The following PPP1R14C variants were observed in gnomAD, a reference collection of about 807,000 sequenced individuals.
PPP1R14C encodes the protein protein phosphatase 1 regulatory subunit 14C.
In PPP1R14C, 16 loss-of-function variants were observed where a neutral mutation model predicts 20.4. That is an observed-to-expected ratio of 0.78 (90% CI 0.53 to 1.19). The LOEUF (loss-of-function observed/expected upper bound fraction) is 1.19. Ranked by LOEUF, PPP1R14C falls within the 50% of genes most tolerant of loss-of-function variation. The pLI is 0.00. For missense variants in PPP1R14C, 211 were observed against 220.1 expected (o/e 0.96, Z 0.26); for synonymous variants, 91 against 91.0 (o/e 1.00, Z 0.00).
chr6:150,210,316 C>T (rs544859921), intron 1 of PPP1R14C, among the ~76,000 whole-genome samples: 59 of 152,346 alleles, frequency 3.9e-4, no homozygotes, highest in African/African-American at 1.4e-3. Flanking sequence ...AGCCTCAGAA[C>T]CTGGATCTTA....
chr6:150,204,054 C>T (rs562389104), intron 1 of PPP1R14C, among the ~76,000 whole-genome samples: 2 of 152,334 alleles, frequency 1.3e-5, no homozygotes, highest in African/African-American at 4.8e-5. Context: ...CATGTAGGTG[C>T]TGCACGGAGA....
chr6:150,214,541 C>T (rs533034316), intron 1 of PPP1R14C, among the ~76,000 whole-genome samples: 8 of 151,252 alleles, frequency 5.3e-5, no homozygotes, highest in Admixed American at 2.0e-4. Flanking sequence ...CTTTTCCCTT[C>T]TTCTCCTCTT....
chr6:150,148,844 G>A (rs187382543), intron 1 of PPP1R14C, among the ~76,000 whole-genome samples: 18 of 152,184 alleles, frequency 1.2e-4, no homozygotes, highest in African/African-American at 3.9e-4. Flanking sequence ...CTGACGGATC[G>A]CTTGAGGCCA....
chr6:150,227,990 G>A (rs1366290779), intron 3 of PPP1R14C, among the ~76,000 whole-genome samples: 2 of 152,208 alleles, frequency 1.3e-5, no homozygotes, highest in Non-Finnish European at 2.9e-5. Context: ...TAAAAGAGCC[G>A]TACGTGCTGG....
rs900499956 is a variant in PPP1R14C at position 150,143,766 on chromosome 6, A to C, written c.306+268A>C. Among the ~76,000 whole-genome samples the C allele has an allele frequency of 4.0e-5, 6 of 151,756 alleles. No homozygotes were observed. The highest frequency in any genetic ancestry group is 1.5e-4 in the African/African-American group (6 of 41,308). On this transcript the variant is annotated intron_variant, in intron 1 of 3. Transcript: ENST00000361131. This position sits in a 1 kb window ranked among gnomAD's most constrained non-coding sequence, Gnocchi z 5.6. ...CCGTGGGGAGGGTTGGGTCCCGCGG[A>C]GCACAGTGCTTTTCTCCGAGCTCCG... is the stretch of plus-strand genomic sequence containing the variant.
chr6:150,248,610 A>G, intron 3 of PPP1R14C, 136 bp from the exon 4 acceptor site: 1 of 575,888 alleles, frequency 1.7e-6, no homozygotes. Flanking sequence ...CCTGTATTAT[A>G]CCAGTGGGGG....
intron 1 of PPP1R14C, among the ~76,000 whole-genome samples, chr6:150,191,511 G>C (rs1285744620): frequency 6.6e-6 from 1 of 152,212 alleles, no homozygotes; most frequent in African/African-American, 2.4e-5. Context: ...ATGTCTCTCA[G>C]AGCATCCGCA....
chr6:150,198,595 A>G (rs999631871), intron 1 of PPP1R14C, among the ~76,000 whole-genome samples: 2 of 152,224 alleles, frequency 1.3e-5, no homozygotes, highest in Admixed American at 1.3e-4. Flanking sequence ...CTTGTTTGCA[A>G]TGGAGGTGCC....
chr6:150,242,998 T>C (rs758572397), intron 3 of PPP1R14C, among the ~76,000 whole-genome samples: 9 of 152,056 alleles, frequency 5.9e-5, no homozygotes, highest in Non-Finnish European at 1.0e-4. Flanking sequence ...ACACTGGAAA[T>C]TATAAACCAT....
At chr6:150,200,132 G>A (rs1582914877) in intron 1 of PPP1R14C, among the ~76,000 whole-genome samples, 2 of 147,742 alleles carry the variant, frequency 1.4e-5, no homozygotes, top group Non-Finnish European at 3.0e-5. Context: ...TAGCATTATT[G>A]AAACCAGTTG....
At chr6:150,232,218 TC>T (rs1316096707) in intron 3 of PPP1R14C, among the ~76,000 whole-genome samples, 3 of 152,246 alleles carry the variant, frequency 2.0e-5, no homozygotes, top group Non-Finnish European at 4.4e-5. Flanking sequence ...TGTTCATGTT[TC>T]CTTCTCTGGG....
chr6:150,199,187 A>T (rs1391240251), intron 1 of PPP1R14C, among the ~76,000 whole-genome samples: 1 of 152,070 alleles, frequency 6.6e-6, no homozygotes, highest in African/African-American at 2.4e-5. Flanking sequence ...GCATTTTTAC[A>T]AGTTCATGGG....
chr6:150,162,044 A>C (rs944288286), intron 1 of PPP1R14C, among the ~76,000 whole-genome samples: 5 of 135,938 alleles, frequency 3.7e-5, no homozygotes, highest in South Asian at 2.9e-4. Flanking sequence ...CCCTCCGTTT[A>C]TTTTCTTTTC....
intron 1 of PPP1R14C, among the ~76,000 whole-genome samples, chr6:150,161,175 G>A (rs886885218): frequency 2.0e-5 from 3 of 152,012 alleles, no homozygotes; most frequent in Non-Finnish European, 2.9e-5. Flanking sequence ...AGCTACTCGG[G>A]AGGCTGAGAC....
At chr6:150,218,170 G>A (rs13206701) in intron 3 of PPP1R14C, among the ~76,000 whole-genome samples, 5,302 of 152,156 alleles carry the variant, frequency 0.035, 131 homozygotes, top group Middle Eastern at 0.058. Context: ...TTGGGGGGCC[G>A]AGACGGGTGG....
chr6:150,169,095 T>C (rs902288883), intron 1 of PPP1R14C, among the ~76,000 whole-genome samples: 1 of 152,218 alleles, frequency 6.6e-6, no homozygotes, highest in Non-Finnish European at 1.5e-5. Context: ...CAGGGTGGTC[T>C]CGAACTCCTG....
At chr6:150,228,703 G>A (rs1778258057) in intron 3 of PPP1R14C, among the ~76,000 whole-genome samples, 1 of 152,094 alleles carries the variant, frequency 6.6e-6, no homozygotes, top group African/African-American at 2.4e-5. Flanking sequence ...ATACGAAGAT[G>A]CTTTTTTTTC....
At chr6:150,164,844 G>A (rs1777407111) in intron 1 of PPP1R14C, among the ~76,000 whole-genome samples, 1 of 152,208 alleles carries the variant, frequency 6.6e-6, no homozygotes, top group African/African-American at 2.4e-5. Context: ...ATACTATTGG[G>A]AGAGGGGCCT....
chr6:150,167,964 C>CCTT (rs1562259762), intron 1 of PPP1R14C, among the ~76,000 whole-genome samples: 33 of 4,424 alleles, frequency 7.5e-3, no homozygotes, highest in Admixed American at 9.2e-3. Context: ...CTCTCCTCCC[C>CCTT]TCTTTCTCTC....
Sources: gnomAD v4.1 joint callset for allele counts (sites outside exome capture counted in the v4.1 genomes callset) on GRCh38, gnomAD v4.1.1 for gene constraint, Gnocchi (gnomAD v3.1) non-coding constraint, MANE v1.5 for transcripts, NCBI Gene and HGNC (gene_info 2026-07-23, HGNC 2026-07-21) for gene names.